COL4A4: variants seen among roughly 807,000 people sequenced by gnomAD.
COL4A4 encodes collagen alpha-4(IV) chain.
In COL4A4, 105 loss-of-function variants were observed where a neutral mutation model predicts 192.9. That is an observed-to-expected ratio of 0.54 (90% CI 0.46 to 0.64). COL4A4 has a LOEUF of 0.64. Among genes scored for constraint, COL4A4 ranks in the 30% least tolerant of loss-of-function variants. COL4A4 has a pLI of 0.00. For missense variants in COL4A4, 1,967 were observed against 2,169.3 expected (o/e 0.91, Z 1.85); for synonymous variants, 762 against 769.9 (o/e 0.99, Z 0.17).
At position 227,041,762 on chromosome 2, in the gene COL4A4, GGAA is replaced by G. The variant is rs1393473595; in HGVS notation, c.3505+383_3505+385del. Among the ~76,000 whole-genome samples, 159 of 117,542 alleles carry G rather than the reference GGAA, an allele frequency of 1.4e-3. 3 individuals carry two copies. The highest frequency in any genetic ancestry group is 3.7e-3 in the African/African-American group (105 of 28,604). 77.1% of individuals were successfully genotyped at this position (117,542 alleles called of 152,430 possible). A position where few individuals can be genotyped will look rare whatever the true frequency, so the allele number is the denominator to read the frequency against. ...AGGAAGGAAGGAAGGAAGGAAGGAA[GGAA>G]GGAAGGAAGGAAGGAAGGAAGGGAA... is the stretch of plus-strand genomic sequence containing the variant. On this transcript the variant is annotated intron_variant, in intron 37 of 47. Transcript: ENST00000396625.
intron 31 of COL4A4, among the ~76,000 whole-genome samples, chr2:227,054,092 A>T (rs1974790329): frequency 6.6e-6 from 1 of 152,242 alleles, no homozygotes; most frequent in Admixed American, 6.5e-5. Context: ...CTTAGTATCC[A>T]TAAATACCAT....
At chr2:227,056,485 G>C (rs1359796308) in intron 29 of COL4A4, among the ~76,000 whole-genome samples, 7 of 152,302 alleles carry the variant, frequency 4.6e-5, no homozygotes, top group Admixed American at 3.3e-4. Context: ...GTCAGAGCCG[G>C]TGTCTAACAT....
At chr2:227,149,122 T>G (rs1343345909) in intron 1 of COL4A4, among the ~76,000 whole-genome samples, 1 of 152,196 alleles carries the variant, frequency 6.6e-6, no homozygotes, top group Non-Finnish European at 1.5e-5. Flanking sequence ...GTGCTGAGAT[T>G]ACAGGCGTGA....
chr2:226,991,980 C>T, the COL4A4 span, among the ~76,000 whole-genome samples: 8 of 152,170 alleles, frequency 5.3e-5, no homozygotes, highest in Admixed American at 6.5e-5. Context: ...CATGGGGACA[C>T]CTCCTACCAC....
intron 43 of COL4A4, 99 bp downstream of exon 43, chr2:227,025,703 A>C: frequency 9.1e-7 from 1 of 1,101,450 alleles, no homozygotes; most frequent in East Asian, 2.4e-5. Context: ...ATAAAAATGT[A>C]ACAAAGTTTA....
At position 227,118,729 on chromosome 2, in the gene COL4A4, T is replaced by A. The variant is rs565906863; in HGVS notation, c.405A>T (p.Lys135Asn). Residue 135 changes from lysine to asparagine, a missense_variant, in exon 7 of 48, where the codon AAA becomes AAT. Physicochemically the swap from Lys to Asn is moderately conservative, Grantham distance 94 (BLOSUM62 0). Coordinates refer to ENST00000396625, the MANE Select transcript of COL4A4 (RefSeq NM_000092.5). ...AGCCATTGTGGCCACTCATACCAGG[T>A]TTGCCTCTGGGTCCAGGAGGCCCTG... ...GHPGPPGPRG[K>N]PGMSGHNGSR... is the part of the protein sequence containing the mutation. The A allele has an allele frequency of 1.2e-6, 2 of 1,613,912 alleles. No homozygotes were observed. The highest frequency in any genetic ancestry group is 2.2e-5 in the South Asian group (2 of 91,084).
chr2:227,131,154 T>TC (rs960774504), intron 4 of COL4A4, among the ~76,000 whole-genome samples: 2 of 151,570 alleles, frequency 1.3e-5, no homozygotes, highest in African/African-American at 4.9e-5. Flanking sequence ...TTTTTTTTTT[T>TC]CTTTCTTTCT....
intron 4 of COL4A4, among the ~76,000 whole-genome samples, chr2:227,137,674 T>C (rs1016934655): frequency 6.6e-6 from 1 of 152,178 alleles, no homozygotes; most frequent in African/African-American, 2.4e-5. Flanking sequence ...CCTTTTCTGC[T>C]AAAACAACTC....
At chr2:227,025,752 G>T in intron 43 of COL4A4, 50 bp downstream of exon 43, 3 of 1,544,190 alleles carry the variant, frequency 1.9e-6, no homozygotes, top group South Asian at 1.1e-5. Context: ...GTACAGAAAT[G>T]ACTAGAAACC....
intron 15 of COL4A4, 70 bp from the exon 16 acceptor site, chr2:227,101,979 T>A (rs1204114506): frequency 2.7e-6 from 3 of 1,113,858 alleles, no homozygotes; most frequent in Non-Finnish European, 2.7e-6. Context: ...AGTGCATCAT[T>A]TTTCACCTTA....
Position 227,082,198 on chromosome 2 carries a change from A to T in COL4A4, c.1624-11T>A, listed in dbSNP as rs774394426. 9 of 1,611,772 alleles carry T rather than the reference A, an allele frequency of 5.6e-6. No homozygotes were observed. The African/African-American group carries it at 8.0e-5, about 14-fold the overall frequency. On this transcript the variant is annotated splice_polypyrimidine_tract_variant and intron_variant, in intron 22 of 47. Coordinates refer to ENST00000396625, the MANE Select transcript of COL4A4 (RefSeq NM_000092.5). ...GGCACCATGCTTTCCCTTGGTGAAA[A>T]ATAAGAGAAACAAATTAGGTTAATT...
At chr2:226,978,576 G>A in the COL4A4 span, among the ~76,000 whole-genome samples, 1 of 152,136 alleles carries the variant, frequency 6.6e-6, no homozygotes, top group Non-Finnish European at 1.5e-5. Flanking sequence ...TTCCATTCCT[G>A]CATTTGTTCA....
At chr2:227,145,421 T>G (rs1325772698) in intron 2 of COL4A4, among the ~76,000 whole-genome samples, 1 of 152,242 alleles carries the variant, frequency 6.6e-6, no homozygotes, top group East Asian at 1.9e-4. Context: ...CGCTCCAGCC[T>G]GGGTAACAGA....
chr2:227,143,362 C>T (rs1337383028), intron 3 of COL4A4, among the ~76,000 whole-genome samples: 1 of 152,190 alleles, frequency 6.6e-6, no homozygotes, highest in African/African-American at 2.4e-5. Flanking sequence ...AAGACACATT[C>T]CTGTGTCAAT....
At chr2:227,139,203 T>C (rs2063028007) in intron 4 of COL4A4, among the ~76,000 whole-genome samples, 1 of 152,166 alleles carries the variant, frequency 6.6e-6, no homozygotes, top group South Asian at 2.1e-4. Flanking sequence ...AGCACCTTGT[T>C]CTTGGGGTTC....
chr2:227,089,532 G>A (rs1463664235), intron 21 of COL4A4, among the ~76,000 whole-genome samples: 6 of 147,034 alleles, frequency 4.1e-5, no homozygotes, highest in Admixed American at 3.5e-4. Flanking sequence ...GGAATCAAGA[G>A]GACCTTGTGA....
chr2:227,036,009 G>C (rs1316448917), intron 37 of COL4A4, among the ~76,000 whole-genome samples: 6 of 152,160 alleles, frequency 3.9e-5, no homozygotes, highest in Non-Finnish European at 5.9e-5. Context: ...TTTACTGAAA[G>C]CTTTTTATCA....
rs777901254 is a variant in COL4A4, at chr2:227,015,857, G to A, written c.4217-3560C>T. On this transcript the variant is annotated intron_variant, in intron 44 of 47. Coordinates refer to ENST00000396625, the MANE Select transcript of COL4A4 (RefSeq NM_000092.5). ...GCCAACAAGTATGCCTAGGATGATCGTGCAGAAATAAAACTGGAAAAATAT... is the reference window on the plus strand; with the variant it reads ...GCCAACAAGTATGCCTAGGATGATCATGCAGAAATAAAACTGGAAAAATAT... Among the ~76,000 whole-genome samples the A allele has an allele frequency of 1.1e-4, 16 of 152,214 alleles. 1 individual carries two copies. Among genetic ancestry groups the A allele is most frequent in the Admixed American group, 9.2e-4 (14 of 15,294 alleles).
chr2:227,034,428 T>C (rs1308715425), intron 37 of COL4A4, among the ~76,000 whole-genome samples: 1 of 152,022 alleles, frequency 6.6e-6, no homozygotes, highest in African/African-American at 2.4e-5. Flanking sequence ...CTGGGTGCCT[T>C]CTCACAAGTC....
Sources: gnomAD v4.1 joint callset for allele counts (sites outside exome capture counted in the v4.1 genomes callset) on GRCh38, gnomAD v4.1.1 for gene constraint, MANE v1.5 for transcripts, NCBI Gene and HGNC (gene_info 2026-07-23, HGNC 2026-07-21) for gene names.